The following DNAH11 variants were observed in gnomAD, a reference collection of about 807,000 sequenced individuals.
DNAH11 encodes the protein axonemal beta dynein heavy chain 11.
Under a neutral mutation model 526.0 loss-of-function variants are expected in DNAH11, and 442 were observed. The observed-to-expected ratio is 0.84, with a 90% CI of 0.78 to 0.91. DNAH11 has a LOEUF of 0.91. Ranked by LOEUF, DNAH11 falls within the 40% of genes least tolerant of loss-of-function variation. DNAH11 has a pLI of 0.00. For missense variants in DNAH11, 6,989 were observed against 5,448.7 expected (o/e 1.28, Z -8.90); for synonymous variants, 2,461 against 1,935.9 (o/e 1.27, Z -7.12).
intron 8 of DNAH11, among the ~76,000 whole-genome samples, chr7:21,577,616 C>A (rs1784148233): frequency 6.6e-6 from 1 of 152,154 alleles, no homozygotes; most frequent in Admixed American, 6.5e-5. Flanking sequence ...GAAGTCCCAA[C>A]CCAGCGGTAA....
intron 25 of DNAH11, among the ~76,000 whole-genome samples, chr7:21,621,184 C>G (rs1004449094): frequency 3.3e-5 from 5 of 152,106 alleles, no homozygotes; most frequent in African/African-American, 1.2e-4. Context: ...TCAGAGAATA[C>G]TACAAACACC....
intron 66 of DNAH11, among the ~76,000 whole-genome samples, chr7:21,846,170 C>T (rs762505511): frequency 6.6e-6 from 1 of 152,150 alleles, no homozygotes; most frequent in Non-Finnish European, 1.5e-5. Context: ...TCATGTCATG[C>T]GTGAACAAAG....
intron 62 of DNAH11, 103 bp from the exon 63 acceptor site, chr7:21,807,780 G>A (rs1303654854): frequency 3.7e-6 from 4 of 1,079,630 alleles, no homozygotes; most frequent in Admixed American, 2.3e-5. Context: ...TATAGTGACT[G>A]TGTGGAAGGA....
At chr7:21,750,140 A>ATGCTG in intron 53 of DNAH11, 82 bp from the exon 54 acceptor site, 1 of 1,451,558 alleles carries the variant, frequency 6.9e-7, no homozygotes, top group Non-Finnish European at 9.2e-7. Flanking sequence ...TTGTCTTGTA[A>ATGCTG]AACATTTCAA....
At chr7:21,658,632 G>C (rs141575154) in intron 29 of DNAH11, among the ~76,000 whole-genome samples, 166 bp from the exon 30 acceptor site, 4 of 152,096 alleles carry the variant, frequency 2.6e-5, no homozygotes, top group Non-Finnish European at 5.9e-5. Context: ...TCACCAATCC[G>C]TTGTTCACTT....
chr7:21,730,953 G>A (rs1785355227), intron 45 of DNAH11, among the ~76,000 whole-genome samples: 1 of 152,110 alleles, frequency 6.6e-6, no homozygotes, highest in Middle Eastern at 3.2e-3. Flanking sequence ...AGACCAACCT[G>A]GCCAACATGG....
Position 21,588,101 on chromosome 7 carries a change from T to C in DNAH11, c.1748T>C (p.Val583Ala). 1 of 1,613,468 alleles carries C rather than the reference T, an allele frequency of 6.2e-7. No individual in the cohort carries two copies. Among genetic ancestry groups the C allele is most frequent in the South Asian group, 1.1e-5 (1 of 91,060 alleles). Residue 583 changes from valine (V) to alanine (A), a missense_variant, in exon 10 of 82, where the codon GTT becomes GCT. Physicochemically the swap from Val to Ala is moderately conservative, Grantham distance 64. Coordinates refer to ENST00000409508, the MANE Select transcript of DNAH11 (RefSeq NM_001277115.2). ...TIFGNFLEKP[V>A]VMEIFSLHYS... ...TTTGGAAATTTTCTAGAGAAGCCAG[T>C]TGTCATGGAAATTTTCAGCCTACAT...
intron 30 of DNAH11, among the ~76,000 whole-genome samples, chr7:21,663,026 A>G (rs1041855655): frequency 1.5e-4 from 23 of 152,108 alleles, no homozygotes; most frequent in African/African-American, 5.3e-4. Context: ...TCCACACTCA[A>G]TATCCATGTG....
intron 46 of DNAH11, among the ~76,000 whole-genome samples, chr7:21,736,802 A>C (rs540725232): frequency 1.3e-5 from 2 of 152,178 alleles, no homozygotes; most frequent in South Asian, 4.1e-4. Flanking sequence ...CAGCCCGGGC[A>C]ATGTATTGAG....
In DNAH11 at chr7:21,600,668, T is replaced by C. The variant is rs1785044256; in HGVS notation, c.3001-8T>C. On this transcript the variant is annotated splice_region_variant and splice_polypyrimidine_tract_variant and intron_variant, in intron 15 of 81. Coordinates refer to ENST00000409508, the MANE Select transcript of DNAH11 (RefSeq NM_001277115.2). ...GAATAGTAAGTGCTGTGTTTTCCTC[T>C]CATTTAGAATGATATGGATAACATG... The C allele has an allele frequency of 6.3e-7, 1 of 1,587,532 alleles. No individual in the cohort carries two copies. Among genetic ancestry groups the C allele is most frequent in the South Asian group, 1.2e-5 (1 of 86,416 alleles).
rs1783074343 is a variant in DNAH11, at chr7:21,861,847, T to C, written c.11203-6T>C. On this transcript the variant is annotated splice_region_variant and splice_polypyrimidine_tract_variant and intron_variant, in intron 68 of 81. Transcript: ENST00000409508. The stretch of plus-strand genomic sequence containing the variant: ...CACATTTTAATGGTCACATTAAATT[T>C]CCCAGGCTTTTAACGTGCTGTTCCA... 7 of 1,610,112 alleles carry C rather than the reference T, an allele frequency of 4.3e-6. No individual in the cohort carries two copies. The highest frequency in any genetic ancestry group is 2.7e-5 in the African/African-American group (2 of 74,768).
chr7:21,826,364 G>A (rs1790299654), intron 65 of DNAH11, among the ~76,000 whole-genome samples: 1 of 152,066 alleles, frequency 6.6e-6, no homozygotes, highest in South Asian at 2.1e-4. Flanking sequence ...AAATTAGATT[G>A]GTATGAATAG....
chr7:21,630,050 C>T (rs561523063), intron 25 of DNAH11, among the ~76,000 whole-genome samples: 2 of 151,700 alleles, frequency 1.3e-5, no homozygotes, highest in Non-Finnish European at 1.5e-5. Context: ...TGTTTTAATT[C>T]AATGCTTTTT....
At chr7:21,785,647 A>G (rs1323527419) in intron 58 of DNAH11, among the ~76,000 whole-genome samples, 2 of 152,082 alleles carry the variant, frequency 1.3e-5, no homozygotes, top group Non-Finnish European at 2.9e-5. Flanking sequence ...TCTCTGAATA[A>G]TTACTCTTTA....
rs201711952 is a variant in DNAH11, at chr7:21,786,301, C to CGTGTGTGT, written c.9598-323_9598-322insGTGTGTGT. ...CTATAAATATCTTACAACATATACACATGTGTGTGTGTGTGTGTGTGTGTG... is the reference window on the plus strand; with the variant it reads ...CTATAAATATCTTACAACATATACACGTGTGTGTATGTGTGTGTGTGTGTGTGTGTGTG... On this transcript the variant is annotated intron_variant, in intron 58 of 81. Coordinates refer to ENST00000409508, the MANE Select transcript of DNAH11 (RefSeq NM_001277115.2). Among the ~76,000 whole-genome samples the CGTGTGTGT allele has an allele frequency of 0.016, 1,800 of 115,666 alleles. 15 individuals are homozygous for CGTGTGTGT. Among genetic ancestry groups the CGTGTGTGT allele is most frequent in the African/African-American group, 0.027 (639 of 23,690 alleles). The allele number at this position is 115,666 out of a possible 152,430, so 75.9% of individuals were successfully genotyped here.
intron 40 of DNAH11, among the ~76,000 whole-genome samples, chr7:21,708,605 G>A (rs552889756): frequency 8.3e-4 from 127 of 152,198 alleles, no homozygotes; most frequent in African/African-American, 2.8e-3. Context: ...GGCTTATAAC[G>A]CTCTATGGGA....
chr7:21,651,734 G>A (rs1003544974), intron 28 of DNAH11, among the ~76,000 whole-genome samples: 3 of 152,202 alleles, frequency 2.0e-5, no homozygotes, highest in East Asian at 1.9e-4. Context: ...GTTAAATAAC[G>A]CCAGTGCCCT....
chr7:21,719,328 C>T (rs1201413969), intron 43 of DNAH11, among the ~76,000 whole-genome samples: 6 of 152,124 alleles, frequency 3.9e-5, no homozygotes, highest in Admixed American at 1.3e-4. Context: ...CGATATATGA[C>T]GCCTCTTTAA....
Position 21,707,850 on chromosome 7 carries a change from T to C in DNAH11, c.6683+15T>C. The C allele has an allele frequency of 6.4e-7, 1 of 1,555,740 alleles. No homozygotes were observed. The highest frequency in any genetic ancestry group is 8.7e-7 in the Non-Finnish European group (1 of 1,153,320). On this transcript the variant is annotated intron_variant, in intron 40 of 81. Transcript: ENST00000409508. ...AAAGATGGCAAGTAGTATTTCCCCT[T>C]TAGAAGTGCTCAATTTTTTTTTTCT...
Sources: gnomAD v4.1 joint callset for allele counts (sites outside exome capture counted in the v4.1 genomes callset) on GRCh38, gnomAD v4.1.1 for gene constraint, MANE v1.5 for transcripts, NCBI Gene and HGNC (gene_info 2026-07-23, HGNC 2026-07-21) for gene names.